The following PDE6C variants were observed in gnomAD, a reference collection of about 807,000 sequenced individuals.
PDE6C encodes cone cGMP-specific 3',5'-cyclic phosphodiesterase subunit alpha'.
A neutral mutation model predicts 113.1 loss-of-function variants in PDE6C; 75 were observed. That is an observed-to-expected ratio of 0.66 (90% CI 0.55 to 0.80). PDE6C has a LOEUF of 0.80. PDE6C is among the 30% of genes least tolerant of loss of function. The pLI is 0.00. For synonymous variants in PDE6C, 375 were observed against 363.7 expected (o/e 1.03, Z -0.35); for missense variants, 912 against 1,038.6 (o/e 0.88, Z 1.67).
intron 13 of PDE6C, 97 bp from the exon 14 acceptor site, chr10:93,640,823 A>G (rs2058556007): frequency 1.2e-6 from 1 of 819,508 alleles, no homozygotes; most frequent in East Asian, 2.7e-5. Context: ...TGCTCCAGAA[A>G]CCTAGTGGGC....
In PDE6C at chr10:93,663,037, C is replaced by T. The variant is rs779852612; in HGVS notation, c.2377C>T (p.Arg793Trp). ...CTAAAATTCCTTTTAGGAGTTCTCA[C>T]GGTTTCACAAAGAAATCACACCTAT... is the stretch of plus-strand genomic sequence containing the variant. ...VCTFVYKEFS[R>W]FHKEITPMLS... Residue 793 changes from arginine to tryptophan, a missense_variant, in exon 21 of 22, where the codon CGG becomes TGG. By Grantham distance (101) the Arg-to-Trp change is moderately radical (BLOSUM62 -3). Transcript: ENST00000371447. 3.1e-6 allele frequency: 5 copies of T among 1,611,696 alleles called. No homozygotes were observed. Among genetic ancestry groups the T allele is most frequent in the South Asian group, 1.1e-5 (1 of 90,972 alleles).
At chr10:93,626,770 A>G (rs766406046) in intron 6 of PDE6C, 35 bp from the exon 7 acceptor site, 2 of 1,599,906 alleles carry the variant, frequency 1.3e-6, no homozygotes, top group Admixed American at 1.7e-5. Flanking sequence ...GCATTTCTCT[A>G]TATTGCAATG....
At chr10:93,627,970 G>T (rs2058481979) in intron 7 of PDE6C, among the ~76,000 whole-genome samples, 1 of 152,156 alleles carries the variant, frequency 6.6e-6, no homozygotes, top group East Asian at 1.9e-4. Flanking sequence ...TGGTGAGGTG[G>T]GGATTTAAGG....
chr10:93,654,781 T>TC (rs2058626257), intron 15 of PDE6C, among the ~76,000 whole-genome samples: 1 of 65,876 alleles, frequency 1.5e-5, no homozygotes, highest in Admixed American at 1.8e-4. Context: ...TTTCTTTCTT[T>TC]CTTTCTTTCT....
intron 1 of PDE6C, among the ~76,000 whole-genome samples, chr10:93,616,515 C>T (rs545945421): frequency 2.2e-4 from 34 of 152,328 alleles, no homozygotes; most frequent in African/African-American, 7.9e-4. Context: ...AAGGACCTGA[C>T]TCATAGTAGA....
At chr10:93,635,736 G>T in intron 10 of PDE6C, 96 bp downstream of exon 10, 1 of 1,292,452 alleles carries the variant, frequency 7.7e-7, no homozygotes, top group Non-Finnish European at 1.1e-6. Flanking sequence ...AATGCAAATG[G>T]TTTACTCCTG....
At chr10:93,650,005 A>G (rs11187573) in intron 15 of PDE6C, among the ~76,000 whole-genome samples, 70,015 of 151,544 alleles carry the variant, frequency 0.46, 17,076 homozygotes, top group Non-Finnish European at 0.54. Context: ...TCTATCATCC[A>G]AGTAATTGCT....
At chr10:93,621,680 A>C (rs550422262) in intron 3 of PDE6C, among the ~76,000 whole-genome samples, 1 of 152,182 alleles carries the variant, frequency 6.6e-6, no homozygotes, top group Non-Finnish European at 1.5e-5. Flanking sequence ...TGGAGCCAAA[A>C]CATCTAGACA....
intron 15 of PDE6C, among the ~76,000 whole-genome samples, chr10:93,652,344 C>G (rs2058613019): frequency 6.6e-6 from 1 of 151,972 alleles, no homozygotes; most frequent in Non-Finnish European, 1.5e-5. Flanking sequence ...GCTCTTCTTT[C>G]AAGAACCTCA....
At chr10:93,621,798 C>T in intron 3 of PDE6C, 134 bp from the exon 4 acceptor site, 1 of 815,424 alleles carries the variant, frequency 1.2e-6, no homozygotes, top group Non-Finnish European at 2.0e-6. Context: ...TACACATGTT[C>T]AAAATCAGAA....
chr10:93,657,399 GTCTC>G (rs1239184049), intron 16 of PDE6C, among the ~76,000 whole-genome samples: 1 of 136,684 alleles, frequency 7.3e-6, no homozygotes, highest in Non-Finnish European at 1.5e-5. Flanking sequence ...GGCCAGGATG[GTCTC>G]TCTATCTCCT....
Position 93,654,750 on chromosome 10 carries a change from TTTTCTTTCTTTCTTTCTTTC to T in PDE6C, c.1936-966_1936-947del, listed in dbSNP as rs1218959114. Among the ~76,000 whole-genome samples the T allele has an allele frequency of 7.7e-3, 927 of 120,726 alleles. 12 individuals are homozygous for T. Among genetic ancestry groups the T allele is most frequent in the African/African-American group, 0.028 (862 of 30,980 alleles). 79.2% of individuals were successfully genotyped at this position (120,726 alleles called of 152,430 possible). A position where few individuals can be genotyped will look rare whatever the true frequency, so the allele number is the denominator to read the frequency against. ...AAACCACCCCCAGCTTATATACTCATTTTCTTTCTTTCTTTCTTTCTTTCTTTCTTTCTTTCTTTCTTTCT... is the reference window on the plus strand; with the variant it reads ...AAACCACCCCCAGCTTATATACTCATTTTCTTTCTTTCTTTCTTTCTTTCT... On this transcript the variant is annotated intron_variant, in intron 15 of 21. Coordinates refer to ENST00000371447, the MANE Select transcript of PDE6C (RefSeq NM_006204.4).
intron 16 of PDE6C, among the ~76,000 whole-genome samples, chr10:93,658,021 T>C (rs1046662303): frequency 1.3e-5 from 2 of 151,064 alleles, no homozygotes; most frequent in African/African-American, 4.9e-5. Context: ...AATTAAAAAA[T>C]TAGCCAGGCA....
chr10:93,640,380 T>C, intron 12 of PDE6C, 70 bp from the exon 13 acceptor site: 1 of 1,317,780 alleles, frequency 7.6e-7, no homozygotes, highest in South Asian at 1.2e-5. Context: ...TCTTTTTAGA[T>C]AAGATTGCCA....
chr10:93,631,704 TTCTG>T (rs1470823301), intron 8 of PDE6C, among the ~76,000 whole-genome samples: 1 of 152,244 alleles, frequency 6.6e-6, no homozygotes, highest in Non-Finnish European at 1.5e-5. Context: ...CGTCTTCTGA[TTCTG>T]TCTCTCCCTG....
intron 16 of PDE6C, among the ~76,000 whole-genome samples, chr10:93,656,090 A>G (rs946140922): frequency 3.9e-5 from 6 of 152,204 alleles, no homozygotes; most frequent in African/African-American, 1.4e-4. Context: ...AACATATTTT[A>G]AAAACATAAG....
In PDE6C at chr10:93,626,899, A is replaced by C. The variant is rs1036292326; in HGVS notation, c.1071+28A>C. 3.8e-6 allele frequency: 6 copies of C among 1,565,526 alleles called. No individual in the cohort carries two copies. The African/African-American group carries it at 4.1e-5, about 11-fold the overall frequency. ...AAGTTATTGAACAAATTCAAATTTTAAATAATATTGCAAGAAACTCTTATT... is the reference window on the plus strand; with the variant it reads ...AAGTTATTGAACAAATTCAAATTTTCAATAATATTGCAAGAAACTCTTATT... On this transcript the variant is annotated intron_variant, in intron 7 of 21. Coordinates refer to ENST00000371447, the MANE Select transcript of PDE6C (RefSeq NM_006204.4).
At position 93,622,083 on chromosome 10, in the gene PDE6C, T is replaced by C. The variant is rs1309806160; in HGVS notation, c.864+11T>C. 1 of 1,613,260 alleles carries C rather than the reference T, an allele frequency of 6.2e-7. No individual in the cohort carries two copies. The highest frequency in any genetic ancestry group is 1.1e-5 in the South Asian group (1 of 91,072). On this transcript the variant is annotated intron_variant, in intron 4 of 21. Transcript: ENST00000371447. Reference sequence around the variant, plus strand: ...ATGACCAAGGAGAAGGTTCTTATTATTCTACACATTTTGTCTCATCTCACA... The same window carrying C: ...ATGACCAAGGAGAAGGTTCTTATTACTCTACACATTTTGTCTCATCTCACA...
chr10:93,620,134 A>G (rs537993785), intron 1 of PDE6C, among the ~76,000 whole-genome samples: 1 of 152,290 alleles, frequency 6.6e-6, no homozygotes, highest in African/African-American at 2.4e-5. Context: ...TTCTTCTAGT[A>G]GGCTAGATTG....
Sources: gnomAD v4.1 joint callset for allele counts (sites outside exome capture counted in the v4.1 genomes callset) on GRCh38, gnomAD v4.1.1 for gene constraint, MANE v1.5 for transcripts, NCBI Gene and HGNC (gene_info 2026-07-23, HGNC 2026-07-21) for gene names.